Variants in DNAH10 observed in about 807,000 individuals in gnomAD.
DNAH10 encodes the protein axonemal beta dynein heavy chain 10.
A neutral mutation model predicts 506.6 loss-of-function variants in DNAH10; 348 were observed. That is an observed-to-expected ratio of 0.69 (90% CI 0.63 to 0.75). The LOEUF (loss-of-function observed/expected upper bound fraction) is 0.75, where lower values mean the gene tolerates loss of function less well. DNAH10 is among the 30% of genes least tolerant of loss of function. DNAH10 has a pLI of 0.00. For synonymous variants in DNAH10, 2,059 were observed against 2,198.6 expected, an observed-to-expected ratio of 0.94 and a Z score of 1.78; for missense variants, 5,179 against 5,787.1, an observed-to-expected ratio of 0.89 and a Z score of 3.41.
rs1485691852 is a variant in DNAH10 at position 123,931,388 on chromosome 12, C to T, written c.12832C>T (p.Leu4278Phe). Residue 4278 changes from leucine to phenylalanine, a missense_variant, in exon 74 of 79, where the codon CTC becomes TTC. By Grantham distance (22) the Leu-to-Phe change is conservative (BLOSUM62 0). This residue lies in a region of DNAH10 where 4,844 missense variants were observed against 5,430.5 expected (regional missense o/e 0.89). Transcript: ENST00000673944. The stretch of plus-strand genomic sequence containing the variant: ...TGCCAACACGCCAGAAGTGTTTGGT[C>T]TCCACCCCAACGCTGAGATTGGCTA... ...PLANTPEVFG[L>F]HPNAEIGYYT... 1 of 1,613,876 alleles carries T rather than the reference C, an allele frequency of 6.2e-7. No individual in the cohort carries two copies. Among genetic ancestry groups the T allele is most frequent in the Non-Finnish European group, 8.5e-7 (1 of 1,179,908 alleles).
chr12:123,890,618 C>T lies in DNAH10; in HGVS notation c.8996-2615C>T, dbSNP rs532171926. On this transcript the variant is annotated intron_variant, in intron 52 of 78. Transcript: ENST00000673944. ...ATGTTTCTAAAAGATCCCTCCAGTG[C>T]GCCGTGGGGACGAGATTAGAGGGGA... 9.9e-5 allele frequency among the ~76,000 whole-genome samples: 15 copies of T among 152,202 alleles called. No homozygotes were observed. In the East Asian group the frequency reaches 2.7e-3, roughly 27 times the overall value.
At chr12:123,898,311 C>T (rs570657392) in intron 55 of DNAH10, among the ~76,000 whole-genome samples, 4 of 152,304 alleles carry the variant, frequency 2.6e-5, no homozygotes, top group East Asian at 3.9e-4. Flanking sequence ...CCTGGGTTCA[C>T]GTGCTCCTCC....
At position 123,875,286 on chromosome 12, in the gene DNAH10, A is replaced by G; in HGVS notation, c.7994A>G (p.Lys2665Arg). The change falls in exon 47 of 79, where the codon AAA becomes AGA. Residue 2665 changes from lysine to arginine, a missense_variant. This residue lies in a region of DNAH10 where 4,844 missense variants were observed against 5,430.5 expected (regional missense o/e 0.89). Transcript: ENST00000673944. ...GCCTTGCTGAAGCTGCTGTTGGAAA[A>G]AGGCTACTTATATGACCGTGGGAAG... ...PIALLKLLLE[K>R]GYLYDRGKEL... The G allele has an allele frequency of 6.2e-7, 1 of 1,613,204 alleles. No homozygotes were observed. Among genetic ancestry groups the G allele is most frequent in the African/African-American group, 1.3e-5 (1 of 75,032 alleles).
intron 21 of DNAH10, among the ~76,000 whole-genome samples, chr12:123,814,774 C>A (rs1260582136): frequency 6.6e-6 from 1 of 152,098 alleles, no homozygotes; most frequent in Non-Finnish European, 1.5e-5. Context: ...GCCACCACAC[C>A]CGGCTAATTA....
intron 45 of DNAH10, 76 bp downstream of exon 45, chr12:123,871,678 G>A: frequency 6.8e-7 from 1 of 1,478,318 alleles, no homozygotes. Flanking sequence ...CATACCACAA[G>A]CACTGTGATC....
chr12:123,826,610 A>G (rs1005539802), intron 24 of DNAH10, 77 bp from the exon 25 acceptor site: 13 of 1,316,446 alleles, frequency 9.9e-6, no homozygotes, highest in Non-Finnish European at 1.4e-5. Context: ...AACGTGACTA[A>G]GAGTCAAGAA....
chr12:123,914,674 G>A, intron 61 of DNAH10, 124 bp downstream of exon 61: 3 of 1,392,340 alleles, frequency 2.2e-6, no homozygotes, highest in South Asian at 1.4e-5. Flanking sequence ...TGGCTCGACT[G>A]CATGGAAGTG....
chr12:123,827,274 G>T (rs574034001), intron 25 of DNAH10, among the ~76,000 whole-genome samples: 1 of 152,232 alleles, frequency 6.6e-6, no homozygotes, highest in South Asian at 2.1e-4. Flanking sequence ...AAAAACAGGT[G>T]AAATTAATTT....
At position 123,935,536 on chromosome 12, in the gene DNAH10, A is replaced by G; in HGVS notation, c.*55A>G. On this transcript the variant is annotated 3_prime_UTR_variant, in exon 79 of 79. Transcript: ENST00000673944. Reference sequence around the variant, plus strand: ...TTCGGAGCCTGGGGTTGTCAGAGTGATCGGGTCTGCTGTCATTTCTTGGGG... The same window carrying G: ...TTCGGAGCCTGGGGTTGTCAGAGTGGTCGGGTCTGCTGTCATTTCTTGGGG... 2 of 1,540,868 alleles carry G rather than the reference A, an allele frequency of 1.3e-6. No individual in the cohort carries two copies. Among genetic ancestry groups the G allele is most frequent in the South Asian group, 2.4e-5 (2 of 82,086 alleles).
chr12:123,853,431 C>T lies in DNAH10; in HGVS notation c.6438+79C>T, dbSNP rs946078672. On this transcript the variant is annotated intron_variant, in intron 36 of 78. Transcript: ENST00000673944. This position sits in a 1 kb window ranked among gnomAD's most constrained non-coding sequence, Gnocchi z 4.7. ...TACGTGCCATTGGGGAGGTGATGGG[C>T]ACAGTATGGTATCACCTGAAAGGTT... The T allele has an allele frequency of 8.0e-6, 12 of 1,508,280 alleles. No individual in the cohort carries two copies. Among genetic ancestry groups the T allele is most frequent in the African/African-American group, 6.9e-5 (5 of 72,266 alleles). 93.4% of individuals were successfully genotyped at this position (1,508,280 alleles called of 1,614,324 possible).
intron 36 of DNAH10, among the ~76,000 whole-genome samples, chr12:123,855,694 A>C (rs568139349): frequency 6.6e-6 from 1 of 150,896 alleles, no homozygotes; most frequent in East Asian, 1.9e-4. Flanking sequence ...CTAAAGGTCA[A>C]AGTAAATGTT....
At chr12:123,790,408 G>A (rs1324711314) in intron 11 of DNAH10, among the ~76,000 whole-genome samples, 1 of 152,168 alleles carries the variant, frequency 6.6e-6, no homozygotes, top group Non-Finnish European at 1.5e-5. Flanking sequence ...CACCTATCTA[G>A]GAGTGAAGTT....
intron 3 of DNAH10, among the ~76,000 whole-genome samples, chr12:123,772,327 C>A (rs1253651054): frequency 6.6e-6 from 1 of 152,206 alleles, no homozygotes; most frequent in Non-Finnish European, 1.5e-5. Flanking sequence ...CACAAAGACT[C>A]CCATATTAGG....
At position 123,928,423 on chromosome 12, in the gene DNAH10, G is replaced by A; in HGVS notation, c.12142G>A (p.Gly4048Arg). 6.2e-7 allele frequency: 1 copy of A among 1,606,898 alleles called. No individual in the cohort carries two copies. The highest frequency in any genetic ancestry group is 1.1e-5 in the South Asian group (1 of 89,658). The change falls in exon 70 of 79, where the codon GGG (glycine) becomes AGG (arginine). Residue 4048 changes from glycine to arginine, a missense_variant. Gly to Arg is a moderately radical substitution (Grantham distance 125). This residue lies in a region of DNAH10 where 4,844 missense variants were observed against 5,430.5 expected (regional missense o/e 0.89). Coordinates refer to ENST00000673944, the MANE Select transcript of DNAH10 (RefSeq NM_001372106.1). The surrounding 1 kb of genome is among the most constrained non-coding windows in gnomAD (Gnocchi z 4.9). Reference protein sequence around the residue: ...LQLLETAVARGQWLMLQNCHL... With the variant: ...LQLLETAVARRQWLMLQNCHL... ...GCTGCTGGAGACGGCGGTGGCTCGG[G>A]GGCAGTGGCTGATGCTGCAGAACTG...
At position 123,916,575 on chromosome 12, in the gene DNAH10, T is replaced by G; in HGVS notation, c.10841T>G (p.Leu3614Ter). 6.2e-7 allele frequency: 1 copy of G among 1,613,876 alleles called. No homozygotes were observed. The highest frequency in any genetic ancestry group is 8.5e-7 in the Non-Finnish European group (1 of 1,179,878). Residue 3614 changes from leucine to a stop codon, truncating the protein, a stop_gained, in exon 63 of 79, where the codon TTA (leucine) becomes TGA (stop). Transcript: ENST00000673944. LOFTEE classifies it high-confidence loss of function. This position sits in a 1 kb window ranked among gnomAD's most constrained non-coding sequence, Gnocchi z 4.6. ...EYIDPVIDNVLEKNIKVSQGR... is the reference protein window; with the variant it reads ...EYIDPVIDNV Reference sequence around the variant, plus strand: ...ATCGATCCTGTGATTGACAACGTCTTAGAAAAAAATATAAAAGTCTCCCAA... The same window carrying G: ...ATCGATCCTGTGATTGACAACGTCTGAGAAAAAAATATAAAAGTCTCCCAA...
chr12:123,815,940 G>A (rs1959129761), intron 21 of DNAH10, among the ~76,000 whole-genome samples: 1 of 152,140 alleles, frequency 6.6e-6, no homozygotes, highest in Non-Finnish European at 1.5e-5. Flanking sequence ...TAAAAATACA[G>A]TATTGTAATC....
chr12:123,873,097 G>A (rs1309277099), intron 45 of DNAH10, among the ~76,000 whole-genome samples: 1 of 152,220 alleles, frequency 6.6e-6, no homozygotes, highest in Non-Finnish European at 1.5e-5. Flanking sequence ...GATACAGCCA[G>A]CATGATAGTG....
chr12:123,909,114 G>A lies in DNAH10; in HGVS notation c.9816-147G>A. 9.0e-7 allele frequency: 1 copy of A among 1,108,842 alleles called. No individual in the cohort carries two copies. The highest frequency in any genetic ancestry group is 1.3e-6 in the Non-Finnish European group (1 of 778,590). The allele number at this position is 1,108,842 out of a possible 1,614,324, so 68.7% of individuals were successfully genotyped here. ...ACGCTCCCGCCCAGGAGTGCGGTTT[G>A]TGTTGGGACCTGGCTTCTTTCGTTT... is the stretch of plus-strand genomic sequence containing the variant. On this transcript the variant is annotated intron_variant, in intron 57 of 78. Coordinates refer to ENST00000673944, the MANE Select transcript of DNAH10 (RefSeq NM_001372106.1). The surrounding 1 kb of genome is among the most constrained non-coding windows in gnomAD (Gnocchi z 5.4).
intron 42 of DNAH10, 72 bp from the exon 43 acceptor site, chr12:123,867,831 G>GGTCCCA: frequency 6.7e-7 from 1 of 1,500,176 alleles, no homozygotes. Flanking sequence ...TGGGATCCCA[G>GGTCCCA]GATTTATGAC....
Sources: gnomAD v4.1 joint callset for allele counts (sites outside exome capture counted in the v4.1 genomes callset) on GRCh38, gnomAD v4.1.1 for gene constraint, gnomAD v4.1.1 regional missense constraint, Gnocchi (gnomAD v3.1) non-coding constraint, MANE v1.5 for transcripts, NCBI Gene and HGNC (gene_info 2026-07-23, HGNC 2026-07-21) for gene names.